Variants in RBFOX3 observed in about 807,000 individuals in gnomAD.
RBFOX3 encodes RNA binding protein fox-1 homolog 3.
In RBFOX3, 17 loss-of-function variants were observed where a neutral mutation model predicts 48.7. The observed-to-expected ratio is 0.35, with a 90% CI of 0.24 to 0.52. RBFOX3 has a LOEUF of 0.52. Among genes scored for constraint, RBFOX3 ranks in the 20% least tolerant of loss-of-function variants. RBFOX3 has a pLI of 0.94. For synonymous variants in RBFOX3, 212 were observed against 209.5 expected (o/e 1.01, Z -0.10); for missense variants, 382 against 497.5 (o/e 0.77, Z 2.21).
intron 1 of RBFOX3, among the ~76,000 whole-genome samples, chr17:79,607,467 G>T (rs1432292867): frequency 1.3e-5 from 2 of 152,152 alleles, no homozygotes; most frequent in Admixed American, 1.3e-4. Context: ...TTCGCGTTCA[G>T]CACTGTGGCT....
chr17:79,269,194 C>T (rs1031725007), intron 3 of RBFOX3, among the ~76,000 whole-genome samples: 27 of 152,310 alleles, frequency 1.8e-4, no homozygotes, highest in East Asian at 7.7e-4. Context: ...ATGCTGTCCC[C>T]GCCAAGTAAT....
chr17:79,354,413 A>G (rs1241722424), intron 2 of RBFOX3, among the ~76,000 whole-genome samples: 1 of 152,240 alleles, frequency 6.6e-6, no homozygotes, highest in Non-Finnish European at 1.5e-5. Flanking sequence ...TTGCTCATCA[A>G]CACAAAGGCA....
At chr17:79,499,767 T>C (rs2082132910) in intron 1 of RBFOX3, among the ~76,000 whole-genome samples, 1 of 152,256 alleles carries the variant, frequency 6.6e-6, no homozygotes, top group Admixed American at 6.5e-5. Context: ...ATGCTTGCTC[T>C]GGTGGCAGGT....
At chr17:79,555,351 GGTGGTGATGGTGGTGATGATGGTAGTT>G (rs2091566576) in intron 1 of RBFOX3, among the ~76,000 whole-genome samples, 1 of 88,876 alleles carries the variant, frequency 1.1e-5, no homozygotes, top group African/African-American at 5.6e-5. Context: ...TAGTTGTGGT[GGTGGTGATGGTGGTGATGATGGTAGTT>G]GTGGTGGTGG....
intron 2 of RBFOX3, among the ~76,000 whole-genome samples, chr17:79,355,362 A>G (rs1379934450): frequency 6.6e-6 from 1 of 152,124 alleles, no homozygotes; most frequent in Non-Finnish European, 1.5e-5. Context: ...GCACAACTCC[A>G]TTGACTTTGC....
In RBFOX3 at chr17:79,307,764, G is replaced by A. The variant is rs368714649; in HGVS notation, c.-114C>T. 2 of 153,824 alleles carry A rather than the reference G, an allele frequency of 1.3e-5. No individual in the cohort carries two copies. Among genetic ancestry groups the A allele is most frequent in the African/African-American group, 4.8e-5 (2 of 41,478 alleles). The allele number at this position is 153,824 out of a possible 1,614,324, so 9.5% of individuals were successfully genotyped here. On this transcript the variant is annotated 5_prime_UTR_variant, in exon 3 of 15. Transcript: ENST00000693108. ...TGGCTCCAGGAGCAGGTTCCCAGCTGGAGGGGCTGCAGACCTGGGAAAATG... is the reference window on the plus strand; with the variant it reads ...TGGCTCCAGGAGCAGGTTCCCAGCTAGAGGGGCTGCAGACCTGGGAAAATG...
At chr17:79,380,462 G>A (rs895781605) in intron 2 of RBFOX3, among the ~76,000 whole-genome samples, 9 of 152,334 alleles carry the variant, frequency 5.9e-5, no homozygotes, top group African/African-American at 2.2e-4. Context: ...CGTGGCCCTG[G>A]CTGTCAGCGC....
intron 4 of RBFOX3, among the ~76,000 whole-genome samples, chr17:79,142,622 G>A (rs941208792): frequency 4.6e-5 from 7 of 152,126 alleles, no homozygotes; most frequent in African/African-American, 1.7e-4. Context: ...GGAGGGGCTG[G>A]ATGGTGGAGA....
At chr17:79,409,636 C>G (rs2064009691) in intron 2 of RBFOX3, among the ~76,000 whole-genome samples, 1 of 152,222 alleles carries the variant, frequency 6.6e-6, no homozygotes, top group Non-Finnish European at 1.5e-5. Context: ...CATATGGAAA[C>G]TGATAAGCAA....
At chr17:79,607,369 C>A (rs1410288035) in intron 1 of RBFOX3, among the ~76,000 whole-genome samples, 1 of 152,126 alleles carries the variant, frequency 6.6e-6, no homozygotes, top group Non-Finnish European at 1.5e-5. Flanking sequence ...CACAGGGAGA[C>A]AACCGACCAA....
chr17:79,326,765 C>T (rs1289704078), intron 2 of RBFOX3, among the ~76,000 whole-genome samples: 1 of 152,190 alleles, frequency 6.6e-6, no homozygotes, highest in African/African-American at 2.4e-5. Context: ...CAGTGTGAAC[C>T]CTCAGGCCCT....
rs529060301 is a variant in RBFOX3 at position 79,214,075 on chromosome 17, C to T, written c.-34+21691G>A. 2.0e-5 allele frequency among the ~76,000 whole-genome samples: 3 copies of T among 152,264 alleles called. No individual in the cohort carries two copies. The highest frequency in any genetic ancestry group is 7.2e-5 in the African/African-American group (3 of 41,556). On this transcript the variant is annotated intron_variant, in intron 4 of 14. Coordinates refer to ENST00000693108, the MANE Select transcript of RBFOX3 (RefSeq NM_001350451.2). The surrounding 1 kb of genome is among the most constrained non-coding windows in gnomAD (Gnocchi z 4.7). ...AACTACAGCCAACCCTCGCATGGCG[C>T]CGCCCAGCTCTGGTAGGAGGGACTG...
chr17:79,177,010 C>T lies in RBFOX3; in HGVS notation c.-34+58756G>A, dbSNP rs141147187. Among the ~76,000 whole-genome samples the T allele has an allele frequency of 2.6e-3, 392 of 152,318 alleles. 1 individual carries two copies. Among genetic ancestry groups the T allele is most frequent in the African/African-American group, 9.1e-3 (379 of 41,564 alleles). On this transcript the variant is annotated intron_variant, in intron 4 of 14. Transcript: ENST00000693108. ...CTGCTGTCCCGGTCTGGGTCGGAATCCACTGGCCTCCCCTAGTCCCCACTA... is the reference window on the plus strand; with the variant it reads ...CTGCTGTCCCGGTCTGGGTCGGAATTCACTGGCCTCCCCTAGTCCCCACTA...
chr17:79,332,596 CAGAG>C (rs772966366), intron 2 of RBFOX3, among the ~76,000 whole-genome samples: 2 of 151,724 alleles, frequency 1.3e-5, no homozygotes, highest in Non-Finnish European at 1.5e-5. Context: ...ACCAGAGAGA[CAGAG>C]AGAACAGAGA....
chr17:79,544,454 A>G (rs568291675), intron 1 of RBFOX3, among the ~76,000 whole-genome samples: 7 of 152,228 alleles, frequency 4.6e-5, no homozygotes, highest in Non-Finnish European at 8.8e-5. Flanking sequence ...GATTTGGAGA[A>G]GGAGGTGACA....
intron 5 of RBFOX3, among the ~76,000 whole-genome samples, chr17:79,107,865 G>C (rs1469608393): frequency 6.6e-6 from 1 of 152,212 alleles, no homozygotes; most frequent in Non-Finnish European, 1.5e-5. Flanking sequence ...AGAGTCCCTC[G>C]GTGGCGACAG....
chr17:79,493,471 CT>C (rs2080995855), intron 1 of RBFOX3, among the ~76,000 whole-genome samples: 1 of 152,132 alleles, frequency 6.6e-6, no homozygotes, highest in Non-Finnish European at 1.5e-5. Flanking sequence ...CAGTCCAGAC[CT>C]TCTTACCTGC....
At chr17:79,425,348 C>T (rs1555724936) in intron 2 of RBFOX3, among the ~76,000 whole-genome samples, 1 of 152,164 alleles carries the variant, frequency 6.6e-6, no homozygotes, top group Non-Finnish European at 1.5e-5. Context: ...CCTGGGGGGG[C>T]TTGTGTGGCC....
At chr17:79,474,345 A>G (rs1033327793) in intron 2 of RBFOX3, among the ~76,000 whole-genome samples, 2 of 152,230 alleles carry the variant, frequency 1.3e-5, no homozygotes, top group Non-Finnish European at 2.9e-5. Context: ...CGATGCAGTC[A>G]CAAGTTCTGC....
Sources: gnomAD v4.1 joint callset for allele counts (sites outside exome capture counted in the v4.1 genomes callset) on GRCh38, gnomAD v4.1.1 for gene constraint, Gnocchi (gnomAD v3.1) non-coding constraint, MANE v1.5 for transcripts, NCBI Gene and HGNC (gene_info 2026-07-23, HGNC 2026-07-21) for gene names.